EML5: variants seen among roughly 807,000 people sequenced by gnomAD.
EML5 encodes EMAP like 5, also known as echinoderm microtubule-associated protein-like 5.
EML5 carries 120 observed loss-of-function variants against 250.0 expected under a neutral mutation model. That is an observed-to-expected ratio of 0.48 (90% confidence interval 0.41 to 0.56). The LOEUF is 0.56. Ranked by LOEUF, EML5 falls within the 20% of genes least tolerant of loss-of-function variation. The pLI is 0.00. For missense variants in EML5, 2,006 were observed against 2,437.6 expected (o/e 0.82, Z 3.73); for synonymous variants, 771 against 806.5 (o/e 0.96, Z 0.75).
intron 1 of EML5, among the ~76,000 whole-genome samples, chr14:88,771,773 C>G (rs979680427): frequency 6.6e-6 from 1 of 152,134 alleles, no homozygotes; most frequent in African/African-American, 2.4e-5. Context: ...AACTGACCAC[C>G]CACGTTTTTG....
intron 8 of EML5, among the ~76,000 whole-genome samples, chr14:88,722,031 T>G (rs1258129063): frequency 6.6e-6 from 1 of 152,120 alleles, no homozygotes. Context: ...CATCACTGAT[T>G]ATTAGAAAAA....
intron 20 of EML5, among the ~76,000 whole-genome samples, chr14:88,683,192 T>C (rs2092754165): frequency 7.7e-6 from 1 of 130,298 alleles, no homozygotes; most frequent in South Asian, 2.5e-4. Flanking sequence ...ACTGGTAGGC[T>C]AACTGGAAAT....
intron 32 of EML5, among the ~76,000 whole-genome samples, chr14:88,637,149 TA>T (rs2090784727): frequency 6.6e-6 from 1 of 152,104 alleles, no homozygotes. Context: ...AGGAGAAAAA[TA>T]AAATCCTTTC....
chr14:88,712,228 T>C, intron 10 of EML5, 43 bp downstream of exon 10: 1 of 1,383,868 alleles, frequency 7.2e-7, no homozygotes. Context: ...ACGAAAGTCT[T>C]CTGTGAGAGA....
intron 1 of EML5, among the ~76,000 whole-genome samples, chr14:88,771,829 C>A (rs918776878): frequency 1.3e-5 from 2 of 152,174 alleles, no homozygotes; most frequent in Admixed American, 6.5e-5. Flanking sequence ...TTTATCAGCC[C>A]TTCCTTCTCT....
Position 88,715,186 on chromosome 14 carries a change from C to T in EML5, c.1197G>A (p.Thr399=), listed in dbSNP as rs183088234. ...TCCTATCTTTAATATGTACAACTTC[C>T]GTCATATCTCTGTTAAAAAGAAAAA... ...SFTVLRVRDM[T]EVVHIKDRKE... is the part of the protein sequence containing the mutation. Residue 399 remains threonine, a synonymous_variant, in exon 9 of 44, where the codon ACG becomes ACA. Coordinates refer to ENST00000554922, the MANE Select transcript of EML5 (RefSeq NM_183387.3). The T allele has an allele frequency of 3.1e-5, 50 of 1,588,584 alleles. No homozygotes were observed. The African/African-American group carries it at 3.4e-4, about 11-fold the overall frequency.
At chr14:88,680,028 G>GC (rs2092684323) in intron 21 of EML5, among the ~76,000 whole-genome samples, 1 of 152,078 alleles carries the variant, frequency 6.6e-6, no homozygotes, top group Non-Finnish European at 1.5e-5. Flanking sequence ...TTTTATTTCA[G>GC]TGTTTTATGC....
chr14:88,720,824 G>A (rs1246584998), intron 8 of EML5, among the ~76,000 whole-genome samples: 2 of 152,152 alleles, frequency 1.3e-5, no homozygotes, highest in African/African-American at 4.8e-5. Context: ...TAGGAAGAGA[G>A]GAATTCAGAT....
intron 13 of EML5, among the ~76,000 whole-genome samples, chr14:88,703,131 A>C (rs759838252): frequency 3.3e-5 from 5 of 152,212 alleles, no homozygotes; most frequent in Non-Finnish European, 7.3e-5. Context: ...TCTAAGCTAT[A>C]ATACTGAGTG....
intron 7 of EML5, among the ~76,000 whole-genome samples, chr14:88,727,160 C>T (rs902230927): frequency 1.2e-4 from 19 of 152,240 alleles, no homozygotes; most frequent in African/African-American, 4.3e-4. Context: ...CTCCACTTTG[C>T]CTTAAAAATG....
intron 21 of EML5, among the ~76,000 whole-genome samples, chr14:88,671,951 T>C (rs2092473387): frequency 6.6e-6 from 1 of 152,082 alleles, no homozygotes; most frequent in Admixed American, 6.5e-5. Context: ...CACATAATAA[T>C]AGTGGGAGAC....
At position 88,758,959 on chromosome 14, in the gene EML5, C is replaced by T. The variant is rs147617903; in HGVS notation, c.198-4288G>A. On this transcript the variant is annotated intron_variant, in intron 1 of 43. Coordinates refer to ENST00000554922, the MANE Select transcript of EML5 (RefSeq NM_183387.3). Reference sequence around the variant, plus strand: ...ATGAAATGTCCAGAATATGCAAATCCATAAAGAAAGTAGATTAGTGATTGC... The same window carrying T: ...ATGAAATGTCCAGAATATGCAAATCTATAAAGAAAGTAGATTAGTGATTGC... Among the ~76,000 whole-genome samples the T allele has an allele frequency of 3.0e-4, 45 of 152,158 alleles. 1 individual carries two copies. In the East Asian group the frequency reaches 8.7e-3, roughly 29 times the overall value.
rs752780257 is a variant in EML5 at position 88,661,663 on chromosome 14, A to C, written c.3666T>G (p.Tyr1222Ter). 1 of 1,612,052 alleles carries C rather than the reference A, an allele frequency of 6.2e-7. No individual in the cohort carries two copies. Among genetic ancestry groups the C allele is most frequent in the Admixed American group, 1.7e-5 (1 of 59,674 alleles). Residue 1222 changes from tyrosine (Y) to a stop codon, truncating the protein, a stop_gained, in exon 25 of 44, where the codon TAT becomes TAG. Transcript: ENST00000554922. LOFTEE classifies it high-confidence loss of function. ...DDLGFVKLFR[Y>*]PTKGKFGKFK... ...AAAGAAAAACACATACTTTAGTAGG[A>C]TATCTAAATAACTTCACAAATCCCA... is the stretch of plus-strand genomic sequence containing the variant.
At chr14:88,744,200 CAATAAAT>C in intron 3 of EML5, 109 bp from the exon 4 acceptor site, 1 of 556,732 alleles carries the variant, frequency 1.8e-6, no homozygotes, top group South Asian at 4.0e-5. Context: ...TAATATTCCT[CAATAAAT>C]AATAATCAAC....
At chr14:88,736,232 C>T in intron 7 of EML5, 132 bp downstream of exon 7, 1 of 944,476 alleles carries the variant, frequency 1.1e-6, no homozygotes, top group Non-Finnish European at 1.6e-6. Context: ...ATCCCTTGAC[C>T]TTGTGATCTG....
At chr14:88,720,192 T>C (rs2093568524) in intron 8 of EML5, among the ~76,000 whole-genome samples, 1 of 152,164 alleles carries the variant, frequency 6.6e-6, no homozygotes, top group Non-Finnish European at 1.5e-5. Flanking sequence ...AATTTATAGC[T>C]GAATTCTACC....
intron 9 of EML5, among the ~76,000 whole-genome samples, chr14:88,713,840 G>GTTT (rs33988759): frequency 3.8e-5 from 5 of 130,092 alleles, no homozygotes; most frequent in African/African-American, 1.4e-4. Context: ...AAGTTTATTT[G>GTTT]TTTTTTTTTT....
At chr14:88,634,536 C>A (rs747183491) in intron 32 of EML5, 47 bp from the exon 33 acceptor site, 4 of 1,124,762 alleles carry the variant, frequency 3.6e-6, no homozygotes, top group East Asian at 2.8e-5. Context: ...TCTGTAAAAT[C>A]TGTAAAAACC....
At position 88,616,253 on chromosome 14, in the gene EML5, ATGAC is replaced by A. The variant is rs2087593323; in HGVS notation, c.5797-15_5797-12del. On this transcript the variant is annotated splice_polypyrimidine_tract_variant and intron_variant, in intron 42 of 43. Transcript: ENST00000554922. The stretch of plus-strand genomic sequence containing the variant: ...CCTTTTGTGTTTTGCCTAAAAAACA[ATGAC>A]AGACAAGCTCAGGGCATTTGGTGCA... 1 of 1,613,186 alleles carries A rather than the reference ATGAC, an allele frequency of 6.2e-7. No individual in the cohort carries two copies. Among genetic ancestry groups the A allele is most frequent in the East Asian group, 2.2e-5 (1 of 44,874 alleles).
Sources: allele counts gnomAD v4.1 joint callset (sites outside exome capture counted in the v4.1 genomes callset), GRCh38; gene constraint gnomAD v4.1.1; transcripts MANE v1.5; gene names NCBI Gene and HGNC (gene_info 2026-07-23, HGNC 2026-07-21).